The following FNIP1 variants were observed in gnomAD, a reference collection of about 807,000 sequenced individuals.
FNIP1 encodes folliculin-interacting protein 1.
In FNIP1, 40 loss-of-function variants were observed where a neutral mutation model predicts 124.5. The observed-to-expected ratio is 0.32, with a 90% confidence interval of 0.25 to 0.42. The LOEUF is 0.42. FNIP1 is among the 10% of genes least tolerant of loss of function. The probability of loss-of-function intolerance (pLI) is 1.00; values close to 1 mark genes in which losing one functional copy is unlikely to be tolerated. For synonymous variants in FNIP1, 472 were observed against 470.6 expected, an observed-to-expected ratio of 1.00 and a Z score of -0.04; for missense variants, 1,176 against 1,403.7, an observed-to-expected ratio of 0.84 and a Z score of 2.59.
At chr5:131,689,788 T>C (rs938611129) in intron 11 of FNIP1, among the ~76,000 whole-genome samples, 4 of 152,154 alleles carry the variant, frequency 2.6e-5, no homozygotes, top group African/African-American at 7.2e-5. Flanking sequence ...ATTACAAATA[T>C]GATAGATATT....
chr5:131,735,036 A>G (rs1233879540), intron 2 of FNIP1, among the ~76,000 whole-genome samples: 1 of 152,232 alleles, frequency 6.6e-6, no homozygotes, highest in African/African-American at 2.4e-5. Flanking sequence ...ACTACTCACA[A>G]TAGCAAAGAC....
chr5:131,651,924 C>A lies in FNIP1; in HGVS notation c.3184G>T (p.Ala1062Ser). The A allele has an allele frequency of 6.2e-7, 1 of 1,614,142 alleles. No individual in the cohort carries two copies. The highest frequency in any genetic ancestry group is 1.1e-5 in the South Asian group (1 of 91,084). The change falls in exon 16 of 18, where the codon GCC becomes TCC. Residue 1062 changes from alanine to serine, a missense_variant. By Grantham distance (99) the Ala-to-Ser change is moderately conservative (BLOSUM62 1). This residue lies in a region of FNIP1 where 1,109 missense variants were observed against 1,288.5 expected (regional missense o/e 0.86). Transcript: ENST00000510461. ...TCTGTCACTCGTCTCTGGCTACTGG[C>A]CACTTGAACAGTCCATTTATCCATG... ...ADMDKWTVQV[A>S]SSQRRVTDNK...
intron 15 of FNIP1, among the ~76,000 whole-genome samples, chr5:131,662,249 G>C (rs1767463045): frequency 1.3e-5 from 2 of 151,930 alleles, no homozygotes; most frequent in African/African-American, 4.8e-5. Flanking sequence ...TGAATTCTTG[G>C]GGATCATGGA....
At chr5:131,695,380 G>A (rs1164455305) in intron 11 of FNIP1, among the ~76,000 whole-genome samples, 3 of 152,104 alleles carry the variant, frequency 2.0e-5, no homozygotes, top group Non-Finnish European at 4.4e-5. Context: ...GACAATATAA[G>A]AGATAGGCAT....
Position 131,772,420 on chromosome 5 carries a change from CAAAAA to C in FNIP1, c.92+24405_92+24409del, listed in dbSNP as rs10579529. Among the ~76,000 whole-genome samples, 45 of 144,952 alleles carry C rather than the reference CAAAAA, an allele frequency of 3.1e-4. No homozygotes were observed. In the East Asian group the frequency reaches 4.7e-3, roughly 15 times the overall value. On this transcript the variant is annotated intron_variant, in intron 1 of 17. Coordinates refer to ENST00000510461, the MANE Select transcript of FNIP1 (RefSeq NM_133372.3). ...GTATCTGAATAAAACAAATTCAAAC[CAAAAA>C]AAAAAAAAAAAATTACTGTAATGAT...
chr5:131,711,459 C>A (rs542976905), intron 6 of FNIP1, among the ~76,000 whole-genome samples: 1 of 152,178 alleles, frequency 6.6e-6, no homozygotes, highest in Non-Finnish European at 1.5e-5. Context: ...GGATGGAATA[C>A]GGGGCTTTCT....
intron 7 of FNIP1, 75 bp from the exon 8 acceptor site, chr5:131,709,347 CA>C: frequency 8.1e-7 from 1 of 1,238,252 alleles, no homozygotes; most frequent in East Asian, 2.3e-5. Flanking sequence ...TTTTAAATAG[CA>C]AACGAAATCA....
At chr5:131,697,365 T>C (rs1244994038) in intron 11 of FNIP1, among the ~76,000 whole-genome samples, 1 of 152,110 alleles carries the variant, frequency 6.6e-6, no homozygotes, top group Non-Finnish European at 1.5e-5. Context: ...GCTCAAGCAA[T>C]CTAACCACCT....
intron 13 of FNIP1, among the ~76,000 whole-genome samples, chr5:131,674,036 C>CA (rs1199233758): frequency 1.3e-5 from 2 of 151,166 alleles, no homozygotes; most frequent in Non-Finnish European, 2.9e-5. Context: ...GACTCCGTCT[C>CA]AAAAAAATAA....
intron 11 of FNIP1, among the ~76,000 whole-genome samples, chr5:131,696,666 A>G (rs1317282770): frequency 6.6e-6 from 1 of 152,174 alleles, no homozygotes; most frequent in Non-Finnish European, 1.5e-5. Context: ...AATGCCTAAA[A>G]TTAATGTTAA....
At position 131,796,706 on chromosome 5, in the gene FNIP1, G is replaced by T. The variant is rs556902971; in HGVS notation, c.92+124C>A. On this transcript the variant is annotated intron_variant, in intron 1 of 17. Transcript: ENST00000510461. ...CCCGCAGCCGGCTCCACCCCACCGA[G>T]GACCAGATGCTGCTCTCGGCGCGGC... The T allele has an allele frequency of 1.9e-3, 1,636 of 866,364 alleles. 5 individuals are homozygous for T. The highest frequency in any genetic ancestry group is 2.5e-3 in the Middle Eastern group (7 of 2,810). 53.7% of individuals were successfully genotyped at this position (866,364 alleles called of 1,614,324 possible).
intron 1 of FNIP1, among the ~76,000 whole-genome samples, chr5:131,784,297 C>T (rs954051731): frequency 1.3e-5 from 2 of 152,084 alleles, no homozygotes; most frequent in African/African-American, 2.4e-5. Flanking sequence ...CACAAAAATT[C>T]AGCAATTACC....
At chr5:131,726,713 T>A (rs1297587957) in intron 3 of FNIP1, among the ~76,000 whole-genome samples, 1 of 152,190 alleles carries the variant, frequency 6.6e-6, no homozygotes, top group Non-Finnish European at 1.5e-5. Context: ...AGCTTTTGAA[T>A]TTGTTTGCTT....
rs769482353 is a variant in FNIP1, at chr5:131,744,627, T to C, written c.156A>G (p.Arg52=). ...IRLIVYQDCE[R]RGRNVLFDSS... is the part of the protein sequence containing the mutation. ...AGTCAAACAAAACATTTCTCCCTCG[T>C]CTTTCACAGTCTTGATATACAATCA... Residue 52 remains arginine (R), a synonymous_variant, in exon 2 of 18, where the codon AGA becomes AGG. Transcript: ENST00000510461. 3 of 1,612,500 alleles carry C rather than the reference T, an allele frequency of 1.9e-6. No homozygotes were observed. The highest frequency in any genetic ancestry group is 1.7e-5 in the Admixed American group (1 of 59,810).
At chr5:131,704,404 T>A (rs1330902763) in intron 9 of FNIP1, 138 bp from the exon 10 acceptor site, 1 of 667,214 alleles carries the variant, frequency 1.5e-6, no homozygotes, top group African/African-American at 1.8e-5. Flanking sequence ...ACCAATTGTA[T>A]ATCTCTTTAA....
chr5:131,790,899 T>C (rs1363874360), intron 1 of FNIP1, among the ~76,000 whole-genome samples: 1 of 152,136 alleles, frequency 6.6e-6, no homozygotes, highest in African/African-American at 2.4e-5. Flanking sequence ...GATAAACTCT[T>C]AGAAGGAGGA....
At chr5:131,740,839 T>C (rs1770489017) in intron 2 of FNIP1, among the ~76,000 whole-genome samples, 2 of 152,152 alleles carry the variant, frequency 1.3e-5, no homozygotes, top group Non-Finnish European at 2.9e-5. Context: ...TGAAAAAGCC[T>C]GCAGTAAAGA....
At chr5:131,688,849 AAAT>A (rs1032186438) in intron 11 of FNIP1, among the ~76,000 whole-genome samples, 10 of 151,958 alleles carry the variant, frequency 6.6e-5, no homozygotes, top group Non-Finnish European at 1.0e-4. Context: ...AAAGGATAAA[AAAT>A]AATATCCAGG....
At chr5:131,704,653 G>T (rs1286226897) in intron 9 of FNIP1, among the ~76,000 whole-genome samples, 1 of 151,848 alleles carries the variant, frequency 6.6e-6, no homozygotes, top group Non-Finnish European at 1.5e-5. Flanking sequence ...CAAAGATGAA[G>T]GAATAAAGGA....
Sources: allele counts gnomAD v4.1 joint callset (sites outside exome capture counted in the v4.1 genomes callset), GRCh38; gene constraint gnomAD v4.1.1; regional missense constraint gnomAD v4.1.1; transcripts MANE v1.5; gene names NCBI Gene and HGNC (gene_info 2026-07-23, HGNC 2026-07-21).